The following KRT6C variants were observed in gnomAD, a reference collection of about 807,000 sequenced individuals.
KRT6C encodes the protein keratin 6C, also known as keratin, type II cytoskeletal 6C.
Under a neutral mutation model 49.4 loss-of-function variants are expected in KRT6C, and 46 were observed. That is an observed-to-expected ratio of 0.93 (90% confidence interval 0.74 to 1.19). KRT6C has a LOEUF of 1.19. Ranked by LOEUF, KRT6C falls within the 50% of genes most tolerant of loss-of-function variation. KRT6C has a pLI of 0.00. For synonymous variants in KRT6C, 236 were observed against 297.1 expected (o/e 0.79, Z 2.12); for missense variants, 552 against 737.5 (o/e 0.75, Z 2.91).
chr12:52,471,309 A>C lies in KRT6C; in HGVS notation c.913-13T>G. 1 of 1,614,202 alleles carries C rather than the reference A, an allele frequency of 6.2e-7. No homozygotes were observed. The highest frequency in any genetic ancestry group is 8.5e-7 in the Non-Finnish European group (1 of 1,180,028). ...TCTGGGACAGCTCCTGCAGAACAGA[A>C]GGTCATAAGATCAACTTCACATCTG... On this transcript the variant is annotated splice_polypyrimidine_tract_variant and intron_variant, in intron 4 of 8. Coordinates refer to ENST00000252250, the MANE Select transcript of KRT6C (RefSeq NM_173086.5).
In KRT6C at chr12:52,469,045, G is replaced by C; in HGVS notation, c.*17C>G. 1 of 1,614,146 alleles carries C rather than the reference G, an allele frequency of 6.2e-7. No individual in the cohort carries two copies. The highest frequency in any genetic ancestry group is 8.5e-7 in the Non-Finnish European group (1 of 1,180,030). On this transcript the variant is annotated 3_prime_UTR_variant, in exon 9 of 9. Coordinates refer to ENST00000252250, the MANE Select transcript of KRT6C (RefSeq NM_173086.5). ...AAGGGCCTGAGGACTGTGGGACCGA[G>C]AGCTGGAGGCAGCACTTTAGTGCTT...
Position 52,473,783 on chromosome 12 carries a change from G to A in KRT6C, c.-46C>T, listed in dbSNP as rs771530685. On this transcript the variant is annotated 5_prime_UTR_variant, in exon 1 of 9. Transcript: ENST00000252250. ...CTGTGGCGAGCGTTGGAGGCTGGAG[G>A]CGAGAGGCAGGAGAAGCAGGACAAG... The A allele has an allele frequency of 1.9e-6, 3 of 1,613,790 alleles. No individual in the cohort carries two copies. The highest frequency in any genetic ancestry group is 2.5e-6 in the Non-Finnish European group (3 of 1,179,892).
In KRT6C at chr12:52,471,652, C is replaced by A; in HGVS notation, c.816+20G>T. 6.2e-7 allele frequency: 1 copy of A among 1,610,448 alleles called. No individual in the cohort carries two copies. Among genetic ancestry groups the A allele is most frequent in the Non-Finnish European group, 8.5e-7 (1 of 1,178,536 alleles). On this transcript the variant is annotated intron_variant, in intron 3 of 8. Transcript: ENST00000252250. ...TCTCTCCTTCTAAATGAATTTGAAC[C>A]CCCGGCTTCATCTGCTCACCTTCTT...
chr12:52,470,477 T>C, intron 6 of KRT6C, 28 bp downstream of exon 6: 1 of 1,614,178 alleles, frequency 6.2e-7, no homozygotes, highest in Non-Finnish European at 8.5e-7. Flanking sequence ...AAAATGATGC[T>C]TCTTTCCTCC....
Position 52,469,117 on chromosome 12 carries a change from G to A in KRT6C, c.1640C>T (p.Ser547Phe). The change falls in exon 9 of 9, where the codon TCC becomes TTC. Residue 547 changes from serine to phenylalanine, a missense_variant. Ser to Phe is a radical substitution (Grantham distance 155). This residue lies in a region of KRT6C where 425 missense variants were observed against 439.4 expected (regional missense o/e 0.97). Coordinates refer to ENST00000252250, the MANE Select transcript of KRT6C (RefSeq NM_173086.5). ...GGAGGTGGTGGTGTACTTGATGGTG[G>A]AACTGCCGCCTCCAACAGAGCTGAG... ...GGLSSVGGGS[S>F]TIKYTTTSSS... 6.2e-7 allele frequency: 1 copy of A among 1,614,022 alleles called. No individual in the cohort carries two copies. Among genetic ancestry groups the A allele is most frequent in the Non-Finnish European group, 8.5e-7 (1 of 1,179,930 alleles).
At position 52,468,921 on chromosome 12, in the gene KRT6C, G is replaced by A; in HGVS notation, c.*141C>T. 9.9e-7 allele frequency: 1 copy of A among 1,006,006 alleles called. No homozygotes were observed. Among genetic ancestry groups the A allele is most frequent in the Admixed American group, 2.3e-5 (1 of 42,596 alleles). 62.3% of individuals were successfully genotyped at this position (1,006,006 alleles called of 1,614,324 possible). On this transcript the variant is annotated 3_prime_UTR_variant, in exon 9 of 9. Coordinates refer to ENST00000252250, the MANE Select transcript of KRT6C (RefSeq NM_173086.5). Reference sequence around the variant, plus strand: ...GGCAGGTATAGACAGAGAGAAGTGAGGGCACTAAGCATCCATACCCAGCTC... The same window carrying A: ...GGCAGGTATAGACAGAGAGAAGTGAAGGCACTAAGCATCCATACCCAGCTC...
rs3894847 is a variant in KRT6C, at chr12:52,469,780, C to T, written c.1314G>A (p.Lys438=). ...EGLEDALQKA[K]QDLARLLKEY... ...CCTTCAGCAGCCGGGCCAGGTCCTG[C>T]TTGGCCTTCTGCAGGGCATCCTCCA... The change falls in exon 7 of 9, where the codon AAG becomes AAA. Residue 438 remains lysine (K), a synonymous_variant. Coordinates refer to ENST00000252250, the MANE Select transcript of KRT6C (RefSeq NM_173086.5). 354,416 of 1,613,874 alleles carry T rather than the reference C, an allele frequency of 0.22. 39,980 individuals carry two copies. Among genetic ancestry groups the T allele is most frequent in the Admixed American group, 0.32 (19,449 of 59,980 alleles).
rs761805911 is a variant in KRT6C at position 52,469,886 on chromosome 12, G to A, written c.1208C>T (p.Ala403Val). The change falls in exon 7 of 9, where the codon GCC (alanine) becomes GTC (valine). Residue 403 changes from alanine to valine, a missense_variant. By Grantham distance (64) the Ala-to-Val change is moderately conservative. This residue lies in a region of KRT6C where 425 missense variants were observed against 439.4 expected (regional missense o/e 0.97). Transcript: ENST00000252250. ...SEIDHVKKQC[A>V]SLQAAIADAE... is the part of the protein sequence containing the mutation. Reference sequence around the variant, plus strand: ...ATCAGCAATGGCAGCCTGCAGGCTGGCACACTAGGAGGGGAAAGGAAGAGA... The same window carrying A: ...ATCAGCAATGGCAGCCTGCAGGCTGACACACTAGGAGGGGAAAGGAAGAGA... The A allele has an allele frequency of 1.2e-5, 19 of 1,614,042 alleles. No homozygotes were observed. In the South Asian group the frequency reaches 2.1e-4, roughly 18 times the overall value.
rs187821450 is a variant in KRT6C, at chr12:52,471,710, G to A, written c.778C>T (p.Arg260Cys). The part of the protein sequence containing the change: ...KNKYEDEINK[R>C]TAAENEFVTL... ...ACAAATTCATTCTCTGCTGCTGTGC[G>A]CTTGTTGATTTCATCCTCATATCTA... is the stretch of plus-strand genomic sequence containing the variant. The change falls in exon 3 of 9, where the codon CGC (arginine) becomes TGC (cysteine). Residue 260 changes from arginine (R) to cysteine (C), a missense_variant. Transcript: ENST00000252250. 116 of 1,613,470 alleles carry A rather than the reference G, an allele frequency of 7.2e-5. 1 individual carries two copies. The South Asian group carries it at 9.8e-4, about 14-fold the overall frequency.
Position 52,468,917 on chromosome 12 carries a change from G to A in KRT6C, c.*145C>T. 1.0e-6 allele frequency: 1 copy of A among 969,866 alleles called. No homozygotes were observed. Among genetic ancestry groups the A allele is most frequent in the South Asian group, 1.6e-5 (1 of 61,692 alleles). The allele number at this position is 969,866 out of a possible 1,614,324, so 60.1% of individuals were successfully genotyped here. On this transcript the variant is annotated 3_prime_UTR_variant, in exon 9 of 9. Coordinates refer to ENST00000252250, the MANE Select transcript of KRT6C (RefSeq NM_173086.5). ...ATGGGGCAGGTATAGACAGAGAGAA[G>A]TGAGGGCACTAAGCATCCATACCCA...
chr12:52,469,586 A>G (rs1407166592), intron 7 of KRT6C, 84 bp downstream of exon 7: 4 of 1,613,130 alleles, frequency 2.5e-6, no homozygotes, highest in South Asian at 1.1e-5. Context: ...TACGGCCATG[A>G]GCAGTGCACC....
At chr12:52,472,033 T>C (rs759333719) in intron 2 of KRT6C, 33 bp downstream of exon 2, 1 of 1,458,476 alleles carries the variant, frequency 6.9e-7, no homozygotes, top group South Asian at 1.1e-5. Context: ...CCAATAGTCT[T>C]GAAGTGTGTG....
In KRT6C at chr12:52,469,831, C is replaced by A. The variant is rs1379617896; in HGVS notation, c.1263G>T (p.Lys421Asn). 6.2e-7 allele frequency: 1 copy of A among 1,613,978 alleles called. No individual in the cohort carries two copies. Among genetic ancestry groups the A allele is most frequent in the Non-Finnish European group, 8.5e-7 (1 of 1,180,000 alleles). ...GCCCTTCCAGCTTGTTCTTAGCATCCTTGAGTGCCATCTCCCCACGCTGCT... is the reference window on the plus strand; with the variant it reads ...GCCCTTCCAGCTTGTTCTTAGCATCATTGAGTGCCATCTCCCCACGCTGCT... ...DAEQRGEMAL[K>N]DAKNKLEGLE... The change falls in exon 7 of 9, where the codon AAG (lysine) becomes AAT (asparagine). Residue 421 changes from lysine to asparagine, a missense_variant. By Grantham distance (94) the Lys-to-Asn change is moderately conservative. Around this residue, in one of 3 missense-constraint regions of KRT6C, gnomAD observed 425 missense variants for 439.4 expected, o/e 0.97. Coordinates refer to ENST00000252250, the MANE Select transcript of KRT6C (RefSeq NM_173086.5).
intron 6 of KRT6C, 82 bp from the exon 7 acceptor site, chr12:52,469,972 G>A: frequency 6.7e-7 from 1 of 1,491,936 alleles, no homozygotes; most frequent in Non-Finnish European, 9.3e-7. Flanking sequence ...CCAGGGTCCT[G>A]TAACCCAAAA....
intron 6 of KRT6C, 23 bp downstream of exon 6, chr12:52,470,482 T>A (rs1189368460): frequency 8.7e-6 from 14 of 1,614,040 alleles, no homozygotes; most frequent in Non-Finnish European, 1.0e-5. Context: ...GATGCTTCTT[T>A]CCTCCACTGC....
chr12:52,468,969 T>G lies in KRT6C; in HGVS notation c.*93A>C. 3 of 1,530,942 alleles carry G rather than the reference T, an allele frequency of 2.0e-6. No individual in the cohort carries two copies. Among genetic ancestry groups the G allele is most frequent in the Non-Finnish European group, 2.7e-6 (3 of 1,110,902 alleles). 94.8% of individuals were successfully genotyped at this position (1,530,942 alleles called of 1,614,324 possible). A position where few individuals can be genotyped will look rare whatever the true frequency, so the allele number is the denominator to read the frequency against. On this transcript the variant is annotated 3_prime_UTR_variant, in exon 9 of 9. Transcript: ENST00000252250. ...CTCTACCTCGGAGAGCAGGGAAGAC[T>G]AGAGGCCAGGAGAGGATAGGCAACC...
rs2567 is a variant in KRT6C, at chr12:52,468,983, G to C, written c.*79C>G. 542,849 of 1,590,278 alleles carry C rather than the reference G, an allele frequency of 0.34. 98,238 individuals carry two copies. The highest frequency in any genetic ancestry group is 0.55 in the East Asian group (24,610 of 44,702). On this transcript the variant is annotated 3_prime_UTR_variant, in exon 9 of 9. Transcript: ENST00000252250. ...GCAGGGAAGACTAGAGGCCAGGAGA[G>C]GATAGGCAACCTGAGGAGACGGCTC... is the stretch of plus-strand genomic sequence containing the variant.
rs138405958 is a variant in KRT6C at position 52,469,124 on chromosome 12, C to A, written c.1633G>T (p.Gly545Cys). 1 of 1,613,916 alleles carries A rather than the reference C, an allele frequency of 6.2e-7. No individual in the cohort carries two copies. Among genetic ancestry groups the A allele is most frequent in the African/African-American group, 1.3e-5 (1 of 74,940 alleles). ...IGGGLSSVGG[G>C]SSTIKYTTTS... ...GTGGTGTACTTGATGGTGGAACTGCCGCCTCCAACAGAGCTGAGGCCACCC... is the reference window on the plus strand; with the variant it reads ...GTGGTGTACTTGATGGTGGAACTGCAGCCTCCAACAGAGCTGAGGCCACCC... The change falls in exon 9 of 9, where the codon GGC (glycine) becomes TGC (cysteine). Residue 545 changes from glycine (G) to cysteine (C), a missense_variant. Physicochemically the swap from Gly to Cys is radical, Grantham distance 159. Transcript: ENST00000252250.
rs1937841139 is a variant in KRT6C, at chr12:52,469,798, A to G, written c.1296T>C (p.Asp432=). ...GGTCCTGCTTGGCCTTCTGCAGGGC[A>G]TCCTCCAGCCCTTCCAGCTTGTTCT... is the stretch of plus-strand genomic sequence containing the variant. ...DAKNKLEGLE[D]ALQKAKQDLA... is the part of the protein sequence containing the mutation. The change falls in exon 7 of 9, where the codon GAT becomes GAC. Residue 432 remains aspartate, a synonymous_variant. Transcript: ENST00000252250. 1 of 1,613,918 alleles carries G rather than the reference A, an allele frequency of 6.2e-7. No individual in the cohort carries two copies. The highest frequency in any genetic ancestry group is 1.3e-5 in the African/African-American group (1 of 74,884).
Sources: gnomAD v4.1 joint callset for allele counts on GRCh38, gnomAD v4.1.1 for gene constraint, gnomAD v4.1.1 regional missense constraint, MANE v1.5 for transcripts, NCBI Gene and HGNC (gene_info 2026-07-23, HGNC 2026-07-21) for gene names.